Variants in FRMD4A observed in about 807,000 individuals in gnomAD.
FRMD4A encodes FERM domain-containing protein 4A.
In FRMD4A, 29 loss-of-function variants were observed where a neutral mutation model predicts 129.1. That is an observed-to-expected ratio of 0.22 (90% CI 0.17 to 0.31). The LOEUF (loss-of-function observed/expected upper bound fraction) is 0.31, where lower values mean the gene tolerates loss of function less well. FRMD4A is among the 10% of genes least tolerant of loss of function. FRMD4A has a pLI of 1.00. For missense variants in FRMD4A, 1,272 were observed against 1,375.8 expected (o/e 0.92, Z 1.19); for synonymous variants, 634 against 571.6 (o/e 1.11, Z -1.56).
chr10:14,116,876 C>T (rs1441801021), intron 2 of FRMD4A, among the ~76,000 whole-genome samples: 1 of 152,198 alleles, frequency 6.6e-6, no homozygotes, highest in East Asian at 1.9e-4. Context: ...TGTTATGTTA[C>T]ATCTGTCTTG....
chr10:13,962,248 T>C (rs1332350486), intron 2 of FRMD4A, among the ~76,000 whole-genome samples: 2 of 152,300 alleles, frequency 1.3e-5, no homozygotes, highest in East Asian at 3.9e-4. Context: ...GCTGTTGAGA[T>C]CTCTCCCCAG....
chr10:14,274,121 T>G (rs1378248939), intron 2 of FRMD4A, among the ~76,000 whole-genome samples: 1 of 152,184 alleles, frequency 6.6e-6, no homozygotes, highest in Non-Finnish European at 1.5e-5. Flanking sequence ...GGAATGTGCC[T>G]TGAAGCAAGG....
intron 2 of FRMD4A, among the ~76,000 whole-genome samples, chr10:14,125,196 CTGAT>C (rs1282285306): frequency 6.6e-6 from 1 of 152,178 alleles, no homozygotes; most frequent in East Asian, 1.9e-4. Context: ...ATGCTCTTCT[CTGAT>C]TGATGGCAGC....
chr10:14,279,828 A>G (rs1388352856), intron 2 of FRMD4A, among the ~76,000 whole-genome samples: 3 of 152,208 alleles, frequency 2.0e-5, no homozygotes, highest in Non-Finnish European at 4.4e-5. Context: ...AAAGCAAGTT[A>G]CTTATTCAAA....
At position 13,884,162 on chromosome 10, in the gene FRMD4A, A is replaced by ACACACTCACACG. The variant is rs1157703684; in HGVS notation, c.46-25251_46-25250insCGTGTGAGTGTG. ...CACACACTCTCACACACTCTCACAC[A>ACACACTCACACG]CACACTCACACACTCACACACACAC... On this transcript the variant is annotated intron_variant, in intron 2 of 24. Coordinates refer to ENST00000357447, the MANE Select transcript of FRMD4A (RefSeq NM_018027.5). Among the ~76,000 whole-genome samples, 8 of 16,326 alleles carry ACACACTCACACG rather than the reference A, an allele frequency of 4.9e-4. 1 individual carries two copies. The highest frequency in any genetic ancestry group is 2.0e-3 in the South Asian group (2 of 1,010). 10.7% of individuals were successfully genotyped at this position (16,326 alleles called of 152,430 possible).
At chr10:13,824,321 C>CAAAAAAAAA (rs397721588) in intron 3 of FRMD4A, among the ~76,000 whole-genome samples, 66 of 98,828 alleles carry the variant, frequency 6.7e-4, no homozygotes, top group African/African-American at 1.7e-3. Context: ...ACTAAAAATA[C>CAAAAAAAAA]AAAAAAAAAA....
chr10:14,165,499 A>G (rs1841126499), intron 2 of FRMD4A, among the ~76,000 whole-genome samples: 1 of 152,232 alleles, frequency 6.6e-6, no homozygotes, highest in Non-Finnish European at 1.5e-5. Context: ...CGACCCAGCA[A>G]TCCCATTACT....
intron 2 of FRMD4A, among the ~76,000 whole-genome samples, chr10:13,961,427 T>C (rs753529120): frequency 1.7e-4 from 26 of 152,170 alleles, no homozygotes; most frequent in Non-Finnish European, 2.4e-4. Context: ...TGACAGTGCT[T>C]AGTAGAGAGG....
intron 2 of FRMD4A, among the ~76,000 whole-genome samples, chr10:14,277,559 C>T: frequency 6.6e-6 from 1 of 152,312 alleles, no homozygotes; most frequent in East Asian, 1.9e-4. Context: ...GCCATAGTTG[C>T]TTGTTGTTAA....
intron 2 of FRMD4A, among the ~76,000 whole-genome samples, chr10:14,248,480 A>ATT (rs5783388): frequency 6.6e-6 from 1 of 152,048 alleles, no homozygotes; most frequent in African/African-American, 2.4e-5. Context: ...CATTCAATTC[A>ATT]TTTTTTACAG....
At chr10:14,320,428 T>G (rs1846931838) in intron 2 of FRMD4A, among the ~76,000 whole-genome samples, 1 of 152,160 alleles carries the variant, frequency 6.6e-6, no homozygotes, top group African/African-American at 2.4e-5. Flanking sequence ...CTGAATTTCC[T>G]GATGATTTTG....
intron 12 of FRMD4A, among the ~76,000 whole-genome samples, chr10:13,714,914 C>T (rs2088627488): frequency 1.3e-5 from 2 of 152,120 alleles, no homozygotes; most frequent in Non-Finnish European, 2.9e-5. Flanking sequence ...TGGCTCACGC[C>T]TGTAGTCCCA....
At chr10:14,029,825 A>C (rs1480653419) in intron 2 of FRMD4A, among the ~76,000 whole-genome samples, 1 of 143,080 alleles carries the variant, frequency 7.0e-6, no homozygotes, top group Non-Finnish European at 1.5e-5. Flanking sequence ...AAAAAAAAAA[A>C]ACTACATGTT....
At chr10:14,301,706 T>A (rs555940213) in intron 2 of FRMD4A, among the ~76,000 whole-genome samples, 1 of 152,334 alleles carries the variant, frequency 6.6e-6, no homozygotes, top group African/African-American at 2.4e-5. Flanking sequence ...CTTCTTTTTC[T>A]ATAAGAAAAC....
At chr10:14,145,709 A>T (rs1589072250) in intron 2 of FRMD4A, among the ~76,000 whole-genome samples, 1 of 152,322 alleles carries the variant, frequency 6.6e-6, no homozygotes, top group East Asian at 1.9e-4. Context: ...CACACAACTG[A>T]TGGCTGGCAG....
intron 2 of FRMD4A, among the ~76,000 whole-genome samples, chr10:14,045,656 T>C (rs1301808739): frequency 1.4e-5 from 2 of 147,150 alleles, no homozygotes; most frequent in African/African-American, 2.5e-5. Flanking sequence ...ATTCTTATGA[T>C]ATAATTATGT....
chr10:13,754,756 T>C (rs2091784621), intron 8 of FRMD4A, among the ~76,000 whole-genome samples: 1 of 152,182 alleles, frequency 6.6e-6, no homozygotes, highest in South Asian at 2.1e-4. Context: ...TTTAGGTAGA[T>C]ATTAAAGTTA....
chr10:14,283,033 A>C (rs1845572302), intron 2 of FRMD4A, among the ~76,000 whole-genome samples: 3 of 152,242 alleles, frequency 2.0e-5, no homozygotes, highest in South Asian at 2.1e-4. Flanking sequence ...TAACATTGCC[A>C]CTGGACATTT....
chr10:14,032,446 C>A (rs1161503436), intron 2 of FRMD4A, among the ~76,000 whole-genome samples: 1 of 152,178 alleles, frequency 6.6e-6, no homozygotes, highest in East Asian at 1.9e-4. Context: ...ATGAATAGTT[C>A]TTGGTGAACT....
Sources: gnomAD v4.1 joint callset for allele counts (sites outside exome capture counted in the v4.1 genomes callset) on GRCh38, gnomAD v4.1.1 for gene constraint, MANE v1.5 for transcripts, NCBI Gene and HGNC (gene_info 2026-07-23, HGNC 2026-07-21) for gene names.